The following ANKRD50 variants were observed in gnomAD, a reference collection of about 807,000 sequenced individuals.
ANKRD50 encodes the protein ankyrin repeat domain-containing protein 50.
In ANKRD50, 40 loss-of-function variants were observed where a neutral mutation model predicts 112.0. That is an observed-to-expected ratio of 0.36 (90% confidence interval 0.28 to 0.46). The LOEUF is 0.46. Among genes scored for constraint, ANKRD50 ranks in the 20% least tolerant of loss-of-function variants. ANKRD50 has a pLI of 1.00. For missense variants in ANKRD50, 1,487 were observed against 1,701.7 expected, an observed-to-expected ratio of 0.87 and a Z score of 2.22; for synonymous variants, 613 against 619.1, an observed-to-expected ratio of 0.99 and a Z score of 0.15.
chr4:124,666,959 A>T lies in ANKRD50; in HGVS notation c.*559T>A, dbSNP rs920839297. 3 of 151,982 alleles carry T rather than the reference A, an allele frequency of 2.0e-5. No homozygotes were observed. Among genetic ancestry groups the T allele is most frequent in the African/African-American group, 7.2e-5 (3 of 41,408 alleles). The allele number at this position is 151,982 out of a possible 1,614,324, so 9.4% of individuals were successfully genotyped here. On this transcript the variant is annotated 3_prime_UTR_variant, in exon 5 of 5. Coordinates refer to ENST00000504087, the MANE Select transcript of ANKRD50 (RefSeq NM_020337.3). ...GAAATCATTTTTTCATTTCAATGTG[A>T]TATTTATATAGAAAATGATTTTTAT...
At chr4:124,682,312 G>A (rs1273869373) in intron 2 of ANKRD50, among the ~76,000 whole-genome samples, 2 of 112,320 alleles carry the variant, frequency 1.8e-5, no homozygotes, top group African/African-American at 7.2e-5. Flanking sequence ...GACAGAGCAA[G>A]ACTCCGTCTC....
intron 2 of ANKRD50, among the ~76,000 whole-genome samples, chr4:124,684,524 A>G (rs1172369009): frequency 6.6e-6 from 1 of 152,004 alleles, no homozygotes; most frequent in Non-Finnish European, 1.5e-5. Context: ...CATTCTTTCT[A>G]TATGCTTATC....
rs1724845919 is a variant in ANKRD50, at chr4:124,680,137, C to G, written c.513-1232G>C. 3.3e-5 allele frequency among the ~76,000 whole-genome samples: 5 copies of G among 152,184 alleles called. No individual in the cohort carries two copies. The South Asian group carries it at 1.0e-3, about 32-fold the overall frequency. ...TAACGTCAAATACAGTAGTTCTTTT[C>G]CACTCCACTAACAAATTTGCAATTT... is the stretch of plus-strand genomic sequence containing the variant. On this transcript the variant is annotated intron_variant, in intron 2 of 4. Transcript: ENST00000504087.
At position 124,669,604 on chromosome 4, in the gene ANKRD50, G is replaced by A. The variant is rs751696858; in HGVS notation, c.3673C>T (p.Arg1225Cys). 2.4e-5 allele frequency: 39 copies of A among 1,613,508 alleles called. No homozygotes were observed. Among genetic ancestry groups the A allele is most frequent in the Non-Finnish European group, 3.0e-5 (35 of 1,179,858 alleles). Residue 1225 changes from arginine (R) to cysteine (C), a missense_variant, in exon 4 of 5, where the codon CGC becomes TGC. This residue lies in a region of ANKRD50 where 441 missense variants were observed against 432.2 expected (regional missense o/e 1.02). Coordinates refer to ENST00000504087, the MANE Select transcript of ANKRD50 (RefSeq NM_020337.3). ...TEQIQQHSLP[R>C]SRSRQSIVSP... is the part of the protein sequence containing the mutation. ...ACAATTGACTGTCGACTTCTACTGC[G>A]TGGCAATGAATGCTGCTGAATTTGT...
chr4:124,692,717 A>G (rs1356958205), intron 2 of ANKRD50, among the ~76,000 whole-genome samples: 4 of 152,188 alleles, frequency 2.6e-5, no homozygotes, highest in African/African-American at 7.2e-5. Flanking sequence ...GCCATCTATG[A>G]ACAAAGAAAC....
At position 124,671,393 on chromosome 4, in the gene ANKRD50, A is replaced by C; in HGVS notation, c.1884T>G (p.Ser628=). 6.2e-7 allele frequency: 1 copy of C among 1,613,914 alleles called. No individual in the cohort carries two copies. Among genetic ancestry groups the C allele is most frequent in the Non-Finnish European group, 8.5e-7 (1 of 1,179,870 alleles). ...AAWGGHTEVV[S]ALLYAGVKVD... is the part of the protein sequence containing the mutation. ...CTTTTACGCCAGCATAAAGTAGTGC[A>C]GAAACTACCTCAGTATGGCCACCCC... Residue 628 remains serine (S), a synonymous_variant, in exon 4 of 5, where the codon TCT becomes TCG. Transcript: ENST00000504087.
rs1724805587 is a variant in ANKRD50 at position 124,678,793 on chromosome 4, T to C, written c.625A>G (p.Ser209Gly). 1.2e-6 allele frequency: 2 copies of C among 1,613,876 alleles called. No individual in the cohort carries two copies. Residue 209 changes from serine (S) to glycine (G), a missense_variant, in exon 3 of 5, where the codon AGC becomes GGC. By Grantham distance (56) the Ser-to-Gly change is moderately conservative. Transcript: ENST00000504087. The part of the protein sequence containing the change: ...NITEGEQTST[S>G]LSGTVAALLA... ...AGTGCTGCAACAGTCCCAGATAAGC[T>C]GGTAGACGTTTGTTCACCTTCAGTA...
At chr4:124,692,768 T>C (rs1725166919) in intron 2 of ANKRD50, among the ~76,000 whole-genome samples, 1 of 152,208 alleles carries the variant, frequency 6.6e-6, no homozygotes, top group African/African-American at 2.4e-5. Flanking sequence ...ATCTTGAGCT[T>C]GGACTTTCCA....
chr4:124,709,916 A>G, intron 2 of ANKRD50, 84 bp downstream of exon 2: 1 of 1,515,192 alleles, frequency 6.6e-7, no homozygotes, highest in Non-Finnish European at 8.8e-7. Context: ...AAAGTAACCC[A>G]CAAAGTTAAA....
intron 2 of ANKRD50, among the ~76,000 whole-genome samples, chr4:124,693,764 A>T (rs1176725385): frequency 6.6e-6 from 1 of 152,130 alleles, no homozygotes; most frequent in Non-Finnish European, 1.5e-5. Flanking sequence ...CTGAAATCTC[A>T]TTACTACCTA....
At chr4:124,689,558 A>G (rs1725084408) in intron 2 of ANKRD50, among the ~76,000 whole-genome samples, 3 of 152,182 alleles carry the variant, frequency 2.0e-5, no homozygotes, top group Admixed American at 2.0e-4. Context: ...ATACAACAAA[A>G]GGCTAACCCT....
chr4:124,678,998 T>C, intron 2 of ANKRD50, 93 bp from the exon 3 acceptor site: 1 of 977,496 alleles, frequency 1.0e-6, no homozygotes, highest in African/African-American at 1.7e-5. Flanking sequence ...TTATAAATTC[T>C]TTAAGAATAA....
Position 124,671,941 on chromosome 4 carries a change from T to C in ANKRD50, c.1336A>G (p.Asn446Asp). The C allele has an allele frequency of 6.2e-7, 1 of 1,613,910 alleles. No homozygotes were observed. Among genetic ancestry groups the C allele is most frequent in the Non-Finnish European group, 8.5e-7 (1 of 1,179,872 alleles). Residue 446 changes from asparagine to aspartate, a missense_variant, in exon 4 of 5, where the codon AAT (asparagine) becomes GAT (aspartate). Around this residue, in one of 2 missense-constraint regions of ANKRD50, gnomAD observed 1,046 missense variants for 1,269.5 expected, o/e 0.82. Transcript: ENST00000504087. ...LAMSYTCQAK[N>D]LTPLEAQEFA... ...TCTTGTGCTTCCAATGGTGTTAAAT[T>C]CTTGGCTTGACAGGTATAACTCATA...
intron 2 of ANKRD50, among the ~76,000 whole-genome samples, chr4:124,680,192 A>T (rs1382840609): frequency 6.6e-6 from 1 of 152,048 alleles, no homozygotes; most frequent in Non-Finnish European, 1.5e-5. Flanking sequence ...TCTTTTTAAA[A>T]TTTTTCTTTA....
At chr4:124,709,419 T>TA (rs1448821433) in intron 2 of ANKRD50, among the ~76,000 whole-genome samples, 1 of 152,106 alleles carries the variant, frequency 6.6e-6, no homozygotes, top group East Asian at 1.9e-4. Flanking sequence ...GTAAAAGTAG[T>TA]AAGATGATCC....
intron 2 of ANKRD50, among the ~76,000 whole-genome samples, chr4:124,700,114 G>GA (rs1725354915): frequency 1.3e-5 from 2 of 152,206 alleles, no homozygotes; most frequent in Admixed American, 6.5e-5. Flanking sequence ...TAAAGATTCA[G>GA]TGAATAAGGA....
Position 124,669,221 on chromosome 4 carries a change from A to C in ANKRD50, c.4056T>G (p.Ser1352Arg). ...TTCCATTTCTCTTCTTCTGTTCCCC[A>C]CTTTGTTGGTGAATAAGAAACTGCT... Reference protein sequence around the residue: ...SQQQFLIHQQSGEQKKRNGIM... With the variant: ...SQQQFLIHQQRGEQKKRNGIM... Residue 1352 changes from serine to arginine, a missense_variant, in exon 4 of 5, where the codon AGT becomes AGG. Transcript: ENST00000504087. The C allele has an allele frequency of 6.2e-7, 1 of 1,613,538 alleles. No homozygotes were observed. The highest frequency in any genetic ancestry group is 8.5e-7 in the Non-Finnish European group (1 of 1,179,740).
At position 124,672,084 on chromosome 4, in the gene ANKRD50, T is replaced by A; in HGVS notation, c.1193A>T (p.Asp398Val). The A allele has an allele frequency of 6.2e-7, 1 of 1,613,870 alleles. No homozygotes were observed. The change falls in exon 4 of 5, where the codon GAT becomes GTT. Residue 398 changes from aspartate (D) to valine (V), a missense_variant. By Grantham distance (152) the Asp-to-Val change is radical. Coordinates refer to ENST00000504087, the MANE Select transcript of ANKRD50 (RefSeq NM_020337.3). ...KLDILSKLLVDGLGNTKILFH... is the reference protein window; with the variant it reads ...KLDILSKLLVVGLGNTKILFH... ...CAGTATTTTTGTATTTCCTAGTCCATCAACAAGAAGTTTGGAGAGGATATC... is the reference window on the plus strand; with the variant it reads ...CAGTATTTTTGTATTTCCTAGTCCAACAACAAGAAGTTTGGAGAGGATATC...
rs1467553304 is a variant in ANKRD50 at position 124,669,171 on chromosome 4, AGAT to A, written c.4103_4105del (p.His1368del). On this transcript the variant is annotated inframe_deletion, in exon 4 of 5. Transcript: ENST00000504087. Reference sequence around the variant, plus strand: ...ACCAAGAAAAACCTGGTTGCTCTGAAGATGATAATTTGGATTTGTCATTATTCC... The same window carrying A: ...ACCAAGAAAAACCTGGTTGCTCTGAAGATAATTTGGATTTGTCATTATTCC... 11 of 1,613,574 alleles carry A rather than the reference AGAT, an allele frequency of 6.8e-6. 1 individual carries two copies. The South Asian group carries it at 7.7e-5, about 11-fold the overall frequency.
Sources: allele counts gnomAD v4.1 joint callset (sites outside exome capture counted in the v4.1 genomes callset), GRCh38; gene constraint gnomAD v4.1.1; regional missense constraint gnomAD v4.1.1; transcripts MANE v1.5; gene names NCBI Gene and HGNC (gene_info 2026-07-23, HGNC 2026-07-21).